The following CCDC126 variants were observed in gnomAD, a reference collection of about 807,000 sequenced individuals.
The protein encoded by CCDC126 is coiled-coil domain-containing protein 126.
CCDC126 carries 5 observed loss-of-function variants against 11.7 expected under a neutral mutation model. The ratio of observed to expected loss-of-function variants is 0.43; its 90% CI spans 0.22 to 0.90. CCDC126 has a LOEUF of 0.90. CCDC126 is among the 40% of genes least tolerant of loss of function. CCDC126 has a pLI of 0.27. For synonymous variants in CCDC126, 60 were observed against 61.9 expected, an observed-to-expected ratio of 0.97 and a Z score of 0.14; for missense variants, 150 against 163.1, an observed-to-expected ratio of 0.92 and a Z score of 0.44.
intron 3 of CCDC126, among the ~76,000 whole-genome samples, chr7:23,622,079 G>T (rs1782914469): frequency 6.6e-6 from 1 of 152,174 alleles, no homozygotes; most frequent in African/African-American, 2.4e-5. Context: ...TTGGTATCAG[G>T]ATGATGCTGG....
intron 3 of CCDC126, among the ~76,000 whole-genome samples, chr7:23,613,196 A>G (rs1782745341): frequency 6.6e-6 from 1 of 152,098 alleles, no homozygotes; most frequent in African/African-American, 2.4e-5. Flanking sequence ...TTGTAGTTCC[A>G]GCTACTTGGG....
At chr7:23,624,628 T>C (rs910855708) in intron 3 of CCDC126, among the ~76,000 whole-genome samples, 6 of 152,220 alleles carry the variant, frequency 3.9e-5, no homozygotes, top group Admixed American at 3.3e-4. Context: ...CTAATAAAAC[T>C]GTATTTTCAA....
chr7:23,630,209 T>C (rs1714938946), intron 3 of CCDC126, among the ~76,000 whole-genome samples: 1 of 152,042 alleles, frequency 6.6e-6, no homozygotes, highest in South Asian at 2.1e-4. Flanking sequence ...TTTTCAAGAG[T>C]CCATGGAGGC....
At chr7:23,635,811 G>A (rs979052044) in intron 3 of CCDC126, among the ~76,000 whole-genome samples, 3 of 152,096 alleles carry the variant, frequency 2.0e-5, no homozygotes, top group Non-Finnish European at 4.4e-5. Flanking sequence ...TCAGTTTAAT[G>A]TCAAACCTTC....
intron 3 of CCDC126, among the ~76,000 whole-genome samples, chr7:23,621,526 CAG>C (rs1782897045): frequency 6.6e-6 from 1 of 152,184 alleles, no homozygotes; most frequent in Non-Finnish European, 1.5e-5. Flanking sequence ...CATCTGCAAA[CAG>C]GGACAATTGG....
chr7:23,637,247 G>A (rs1367426120), intron 3 of CCDC126, among the ~76,000 whole-genome samples: 3 of 14,400 alleles, frequency 2.1e-4, no homozygotes, highest in African/African-American at 9.9e-4. Flanking sequence ...CGTTCGGGAG[G>A]GAGGTGGGGG....
Position 23,643,325 on chromosome 7 carries a change from G to A in CCDC126, c.*210G>A. The A allele has an allele frequency of 2.3e-6, 1 of 427,896 alleles. No individual in the cohort carries two copies. 26.5% of individuals were successfully genotyped at this position (427,896 alleles called of 1,614,324 possible). On this transcript the variant is annotated 3_prime_UTR_variant, in exon 4 of 4. Transcript: ENST00000307471. ...CTTTCAGGCAAGTCTGTTCAATGCT[G>A]TACTATGTCCTTAAAGAGAATTTGG...
rs1783399045 is a variant in CCDC126, at chr7:23,643,304, C to T, written c.*189C>T. On this transcript the variant is annotated 3_prime_UTR_variant, in exon 4 of 4. Transcript: ENST00000307471. ...AATTTTAAAGTTATTTGTTTGCTTTCAGGCAAGTCTGTTCAATGCTGTACT... is the reference window on the plus strand; with the variant it reads ...AATTTTAAAGTTATTTGTTTGCTTTTAGGCAAGTCTGTTCAATGCTGTACT... 1 of 547,004 alleles carries T rather than the reference C, an allele frequency of 1.8e-6. No homozygotes were observed. The highest frequency in any genetic ancestry group is 3.1e-6 in the Non-Finnish European group (1 of 321,636). The allele number at this position is 547,004 out of a possible 1,614,324, so 33.9% of individuals were successfully genotyped here. A position where few individuals can be genotyped will look rare whatever the true frequency, so the allele number is the denominator to read the frequency against.
At chr7:23,620,312 T>G (rs1237172729) in intron 3 of CCDC126, among the ~76,000 whole-genome samples, 2 of 152,376 alleles carry the variant, frequency 1.3e-5, no homozygotes, top group African/African-American at 4.8e-5. Flanking sequence ...TGGTTTTGAT[T>G]TGCATTTCTC....
At chr7:23,613,174 G>C (rs1470697636) in intron 3 of CCDC126, among the ~76,000 whole-genome samples, 1 of 152,090 alleles carries the variant, frequency 6.6e-6, no homozygotes, top group African/African-American at 2.4e-5. Flanking sequence ...AGTGGGGCGT[G>C]GTGGCGCGCA....
chr7:23,613,839 G>C (rs1467698105), intron 3 of CCDC126, among the ~76,000 whole-genome samples: 1 of 152,196 alleles, frequency 6.6e-6, no homozygotes, highest in East Asian at 1.9e-4. Flanking sequence ...GCATATAAAA[G>C]TTAAGTTTAC....
rs1271034929 is a variant in CCDC126, at chr7:23,637,031, G to T, written c.239-5900G>T. Among the ~76,000 whole-genome samples, 30 of 92,800 alleles carry T rather than the reference G, an allele frequency of 3.2e-4. 3 individuals are homozygous for T. The highest frequency in any genetic ancestry group is 6.1e-4 in the Non-Finnish European group (27 of 44,554). 60.9% of individuals were successfully genotyped at this position (92,800 alleles called of 152,430 possible). ...CGCCCCGTCCGGGAAGGGGGAGGGG[G>T]GGTCAGCCCCCCGCCCGGCCAGCCG... On this transcript the variant is annotated intron_variant, in intron 3 of 3. Coordinates refer to ENST00000307471, the MANE Select transcript of CCDC126 (RefSeq NM_138771.4).
intron 3 of CCDC126, among the ~76,000 whole-genome samples, chr7:23,618,449 C>T (rs1782831180): frequency 1.3e-5 from 2 of 152,072 alleles, no homozygotes; most frequent in Admixed American, 1.3e-4. Flanking sequence ...TCCCAGGGGC[C>T]TACCATGACT....
chr7:23,600,748 G>A (rs1021366950), intron 2 of CCDC126, among the ~76,000 whole-genome samples: 15 of 152,196 alleles, frequency 9.9e-5, no homozygotes, highest in Non-Finnish European at 2.2e-4. Flanking sequence ...AGATTTGAAT[G>A]AGAGATTTTA....
Position 23,636,161 on chromosome 7 carries a change from C to A in CCDC126, c.239-6770C>A, listed in dbSNP as rs1305971448. Among the ~76,000 whole-genome samples the A allele has an allele frequency of 8.5e-5, 13 of 152,338 alleles. 2 individuals carry two copies. Among genetic ancestry groups the A allele is most frequent in the African/African-American group, 3.1e-4 (13 of 41,594 alleles). Reference sequence around the variant, plus strand: ...GATTGCAGACGGAGTCTCGTTCACTCAGTGCTCAATGGTGCCCAGGCTGGA... The same window carrying A: ...GATTGCAGACGGAGTCTCGTTCACTAAGTGCTCAATGGTGCCCAGGCTGGA... On this transcript the variant is annotated intron_variant, in intron 3 of 3. Coordinates refer to ENST00000307471, the MANE Select transcript of CCDC126 (RefSeq NM_138771.4).
chr7:23,604,571 G>T (rs1167623158), intron 2 of CCDC126, among the ~76,000 whole-genome samples: 1 of 152,102 alleles, frequency 6.6e-6, no homozygotes, highest in African/African-American at 2.4e-5. Context: ...AATATTTATT[G>T]AGTAGTATGT....
At chr7:23,600,862 A>G (rs1450671858) in intron 2 of CCDC126, among the ~76,000 whole-genome samples, 1 of 152,170 alleles carries the variant, frequency 6.6e-6, no homozygotes, top group African/African-American at 2.4e-5. Context: ...TGTGAAATGC[A>G]GTATTTTTTA....
Position 23,643,225 on chromosome 7 carries a change from T to TA in CCDC126, c.*111dup. The TA allele has an allele frequency of 1.1e-6, 1 of 944,518 alleles. No individual in the cohort carries two copies. The highest frequency in any genetic ancestry group is 1.5e-6 in the Non-Finnish European group (1 of 645,448). 58.5% of individuals were successfully genotyped at this position (944,518 alleles called of 1,614,324 possible). ...GAGCAATACTTTACAATAAAAGCTC[T>TA]ACACATTTTCAAGGAGTATGCTGGA... On this transcript the variant is annotated 3_prime_UTR_variant, in exon 4 of 4. Transcript: ENST00000307471.
At chr7:23,633,414 T>G (rs541807559) in intron 3 of CCDC126, among the ~76,000 whole-genome samples, 35 of 152,048 alleles carry the variant, frequency 2.3e-4, no homozygotes, top group Non-Finnish European at 4.3e-4. Flanking sequence ...GAATGTACAC[T>G]TAATCATAGA....
Sources: allele counts gnomAD v4.1 joint callset (sites outside exome capture counted in the v4.1 genomes callset), GRCh38; gene constraint gnomAD v4.1.1; transcripts MANE v1.5; gene names NCBI Gene and HGNC (gene_info 2026-07-23, HGNC 2026-07-21).